AOPEP: variants seen among roughly 807,000 people sequenced by gnomAD.
AOPEP encodes the protein aminopeptidase O (putative), also known as aminopeptidase O.
Under a neutral mutation model 98.1 loss-of-function variants are expected in AOPEP, and 77 were observed. The observed-to-expected ratio is 0.78, with a 90% CI of 0.65 to 0.95. The LOEUF is 0.95. Ranked by LOEUF, AOPEP falls within the 40% of genes least tolerant of loss-of-function variation. AOPEP has a pLI of 0.00. For missense variants in AOPEP, 1,024 were observed against 1,024.7 expected, an observed-to-expected ratio of 1.00 and a Z score of 0.01; for synonymous variants, 346 against 365.3, an observed-to-expected ratio of 0.95 and a Z score of 0.60.
At chr9:94,792,620 C>G (rs1332971149) in intron 3 of AOPEP, 145 bp from the exon 4 acceptor site, 39 of 676,400 alleles carry the variant, frequency 5.8e-5, no homozygotes. Context: ...TGAAATGTGC[C>G]CTTTCTGCTG....
the AOPEP span, among the ~76,000 whole-genome samples, chr9:95,124,354 A>G: frequency 6.6e-6 from 1 of 152,178 alleles, no homozygotes; most frequent in Non-Finnish European, 1.5e-5. Flanking sequence ...AAGGCCAAAT[A>G]TATATGCTGA....
At chr9:94,911,349 G>T (rs983554350) in intron 5 of AOPEP, among the ~76,000 whole-genome samples, 1 of 152,222 alleles carries the variant, frequency 6.6e-6, no homozygotes, top group African/African-American at 2.4e-5. Context: ...AAAAGGGTGG[G>T]ATTCATTGCC....
intron 3 of AOPEP, among the ~76,000 whole-genome samples, chr9:94,783,765 T>C (rs1484464385): frequency 1.3e-5 from 2 of 152,202 alleles, no homozygotes; most frequent in African/African-American, 4.8e-5. Context: ...TGTACATGTT[T>C]CTGAATATAC....
In AOPEP at chr9:94,953,600, A is replaced by G. The variant is rs114912454; in HGVS notation, c.1662-1577A>G. Reference sequence around the variant, plus strand: ...TGGGTAGGATTATTCCCATTTTACAAGTGAGTAAATGAAGGTTAGTAAGTA... The same window carrying G: ...TGGGTAGGATTATTCCCATTTTACAGGTGAGTAAATGAAGGTTAGTAAGTA... On this transcript the variant is annotated intron_variant, in intron 7 of 16. Coordinates refer to ENST00000375315, the MANE Select transcript of AOPEP (RefSeq NM_001193329.3). 2.2e-3 allele frequency among the ~76,000 whole-genome samples: 335 copies of G among 152,314 alleles called. 2 individuals carry two copies. Among genetic ancestry groups the G allele is most frequent in the African/African-American group, 7.6e-3 (317 of 41,570 alleles).
chr9:94,969,511 C>T (rs1235306488), intron 10 of AOPEP, among the ~76,000 whole-genome samples: 1 of 151,794 alleles, frequency 6.6e-6, no homozygotes, highest in Non-Finnish European at 1.5e-5. Flanking sequence ...GGATTCAAGC[C>T]ATTCTTCTGC....
At chr9:95,101,941 T>C in the AOPEP span, 1 of 1,447,208 alleles carries the variant, frequency 6.9e-7, no homozygotes, top group East Asian at 2.3e-5. Context: ...ACCCAGTCCC[T>C]GAAAGAAGCC....
chr9:94,728,522 G>A (rs1228766312), intron 1 of AOPEP, among the ~76,000 whole-genome samples: 1 of 152,202 alleles, frequency 6.6e-6, no homozygotes, highest in Non-Finnish European at 1.5e-5. Flanking sequence ...GTTCTTCTAA[G>A]GAATTTGGCT....
chr9:94,826,201 G>A (rs1379145448), intron 5 of AOPEP, among the ~76,000 whole-genome samples: 6 of 152,172 alleles, frequency 3.9e-5, no homozygotes. Context: ...TAGGACTGCT[G>A]GCAAAGCTGT....
At chr9:95,113,626 AT>A in the AOPEP span, 83 of 135,414 alleles carry the variant, frequency 6.1e-4, no homozygotes, top group East Asian at 6.7e-4. Context: ...AAAAAAAAAA[AT>A]TTTTTTTTTT....
downstream of AOPEP, among the ~76,000 whole-genome samples, chr9:95,089,022 A>C (rs562925728): frequency 2.0e-5 from 3 of 152,200 alleles, no homozygotes; most frequent in East Asian, 1.9e-4. Context: ...GCCGGAGAGC[A>C]GCTCCGCCAC....
intron 13 of AOPEP, chr9:95,022,281 T>C (rs527691845): frequency 3.9e-5 from 6 of 152,348 alleles, no homozygotes; most frequent in East Asian, 3.9e-4. Context: ...AGTGCCTCTA[T>C]GGTATTCTTA....
chr9:94,999,638 C>T (rs1182830848), intron 11 of AOPEP, among the ~76,000 whole-genome samples: 2 of 152,108 alleles, frequency 1.3e-5, no homozygotes, highest in African/African-American at 4.8e-5. Context: ...GAACTTAATG[C>T]GATAACAGGA....
At chr9:95,043,930 G>A (rs996269741) in intron 13 of AOPEP, among the ~76,000 whole-genome samples, 1 of 152,178 alleles carries the variant, frequency 6.6e-6, no homozygotes, top group Non-Finnish European at 1.5e-5. Context: ...TTACATAGTT[G>A]TAACCGCTGT....
chr9:95,046,773 A>G (rs1245110484), intron 13 of AOPEP, among the ~76,000 whole-genome samples: 5 of 152,198 alleles, frequency 3.3e-5, no homozygotes, highest in Admixed American at 3.3e-4. Context: ...AGTCATTTCT[A>G]TATTTTTACT....
chr9:95,051,726 C>T (rs1030221430), intron 13 of AOPEP, among the ~76,000 whole-genome samples: 108 of 147,570 alleles, frequency 7.3e-4, no homozygotes, highest in Non-Finnish European at 1.4e-3. Context: ...TTTTTTGAGA[C>T]GGAGTCTCAC....
intron 5 of AOPEP, among the ~76,000 whole-genome samples, chr9:94,915,496 G>A (rs985890109): frequency 2.6e-5 from 4 of 152,000 alleles, no homozygotes; most frequent in Non-Finnish European, 4.4e-5. Context: ...ACAGTATGGC[G>A]GTCTGGCAGG....
the AOPEP span, among the ~76,000 whole-genome samples, chr9:95,129,206 C>A: frequency 6.6e-6 from 1 of 152,124 alleles, no homozygotes; most frequent in South Asian, 2.1e-4. Context: ...TCATCTGCAC[C>A]CCTCACCGAT....
At chr9:94,949,066 C>A (rs533404062) in intron 7 of AOPEP, among the ~76,000 whole-genome samples, 45 of 152,310 alleles carry the variant, frequency 3.0e-4, no homozygotes, top group Non-Finnish European at 6.3e-4. Context: ...CTTGGCTCTC[C>A]GTTTTTCTCT....
chr9:94,859,096 G>A (rs1039073261), intron 5 of AOPEP, among the ~76,000 whole-genome samples: 2 of 151,140 alleles, frequency 1.3e-5, no homozygotes, highest in South Asian at 2.1e-4. Flanking sequence ...CAGCCTGGGC[G>A]ACAGAGTGAG....
Sources: gnomAD v4.1 joint callset for allele counts (sites outside exome capture counted in the v4.1 genomes callset) on GRCh38, gnomAD v4.1.1 for gene constraint, MANE v1.5 for transcripts, NCBI Gene and HGNC (gene_info 2026-07-23, HGNC 2026-07-21) for gene names.